The following HECTD4 variants were observed in gnomAD, a reference collection of about 807,000 sequenced individuals.
The protein encoded by HECTD4 is probable E3 ubiquitin-protein ligase HECTD4.
HECTD4 carries 114 observed loss-of-function variants against 471.5 expected under a neutral mutation model. That is an observed-to-expected ratio of 0.24 (90% CI 0.21 to 0.28). The LOEUF (loss-of-function observed/expected upper bound fraction) is 0.28. Ranked by LOEUF, HECTD4 falls within the 10% of genes least tolerant of loss-of-function variation. The pLI, the probability that HECTD4 is intolerant of heterozygous loss-of-function variation, is 1.00. For missense variants in HECTD4, 3,866 were observed against 5,651.5 expected (o/e 0.68, Z 10.13); for synonymous variants, 2,012 against 2,256.0 (o/e 0.89, Z 3.07).
At chr12:112,169,172 A>G (rs1211621376) in intron 70 of HECTD4, among the ~76,000 whole-genome samples, 1 of 152,094 alleles carries the variant, frequency 6.6e-6, no homozygotes, top group African/African-American at 2.4e-5. Context: ...GGACTCCCCA[A>G]CACCCTGCCT....
intron 1 of HECTD4, among the ~76,000 whole-genome samples, chr12:112,372,573 T>A (rs2036702398): frequency 6.6e-6 from 1 of 151,816 alleles, no homozygotes; most frequent in Non-Finnish European, 1.5e-5. Context: ...CATGAGCCAC[T>A]GCACCTGGCC....
Position 112,299,308 on chromosome 12 carries a change from C to A in HECTD4, c.1335+6756G>T, listed in dbSNP as rs2035114841. Among the ~76,000 whole-genome samples the A allele has an allele frequency of 3.3e-5, 5 of 152,040 alleles. No homozygotes were observed. The South Asian group carries it at 8.3e-4, about 25-fold the overall frequency. On this transcript the variant is annotated intron_variant, in intron 7 of 75. Transcript: ENST00000682272. Reference sequence around the variant, plus strand: ...TACGGACATTTTCTTATGTATTTCACCACCATACTTAAAAATTAGACTGAG... The same window carrying A: ...TACGGACATTTTCTTATGTATTTCAACACCATACTTAAAAATTAGACTGAG...
At chr12:112,350,163 C>T (rs1409899321) in intron 1 of HECTD4, among the ~76,000 whole-genome samples, 1 of 152,066 alleles carries the variant, frequency 6.6e-6, no homozygotes, top group African/African-American at 2.4e-5. Context: ...GCCATGTTGC[C>T]TAGGCTGAAC....
rs1032079738 is a variant in HECTD4 at position 112,166,408 on chromosome 12, C to G, written c.12534+909G>C. Reference sequence around the variant, plus strand: ...GCATAGGCAGAAGCCGCTGGCACCTCCTTCACCTGAGGCCCAGGAGAGAGC... The same window carrying G: ...GCATAGGCAGAAGCCGCTGGCACCTGCTTCACCTGAGGCCCAGGAGAGAGC... On this transcript the variant is annotated intron_variant, in intron 72 of 75. Coordinates refer to ENST00000682272, the MANE Select transcript of HECTD4 (RefSeq NM_001388303.1). The surrounding 1 kb of genome is among the most constrained non-coding windows in gnomAD (Gnocchi z 4.6). The G allele has an allele frequency of 1.3e-5, 2 of 152,300 alleles. No individual in the cohort carries two copies. 9.4% of individuals were successfully genotyped at this position (152,300 alleles called of 1,614,324 possible).
rs139189368 is a variant in HECTD4 at position 112,235,952 on chromosome 12, T to C, written c.5445-168A>G. Among the ~76,000 whole-genome samples, 155 of 152,374 alleles carry C rather than the reference T, an allele frequency of 1.0e-3. No individual in the cohort carries two copies. The highest frequency in any genetic ancestry group is 3.5e-3 in the African/African-American group (146 of 41,600). On this transcript the variant is annotated intron_variant, in intron 35 of 75. Coordinates refer to ENST00000682272, the MANE Select transcript of HECTD4 (RefSeq NM_001388303.1). The surrounding 1 kb of genome is among the most constrained non-coding windows in gnomAD (Gnocchi z 5.0). ...AATTAAGAATTTTGGAAACATTTGATGAAACCAAACAACACTAATACTTAA... is the reference window on the plus strand; with the variant it reads ...AATTAAGAATTTTGGAAACATTTGACGAAACCAAACAACACTAATACTTAA...
At chr12:112,253,122 A>G (rs1177911955) in intron 22 of HECTD4, among the ~76,000 whole-genome samples, 1 of 146,762 alleles carries the variant, frequency 6.8e-6, no homozygotes, top group East Asian at 2.1e-4. Context: ...CCTTGAGCAT[A>G]ATTTCTCTCT....
At position 112,344,202 on chromosome 12, in the gene HECTD4, G is replaced by A. The variant is rs1198725903; in HGVS notation, c.178-24460C>T. ...GATTTCCACTCATTTAAAACTGTAA[G>A]GGACAACTTTTAGAATTTTAACTCC... is the stretch of plus-strand genomic sequence containing the variant. On this transcript the variant is annotated intron_variant, in intron 1 of 75. Transcript: ENST00000682272. Among the ~76,000 whole-genome samples, 5 of 152,162 alleles carry A rather than the reference G, an allele frequency of 3.3e-5. No homozygotes were observed. The East Asian group carries it at 9.6e-4, about 29-fold the overall frequency.
rs10850011 is a variant in HECTD4 at position 112,206,787 on chromosome 12, T to C, written c.8131+1087A>G. Among the ~76,000 whole-genome samples the C allele has an allele frequency of 0.055, 8,408 of 152,164 alleles. 1,279 individuals carry two copies. In the East Asian group the frequency reaches 0.61, roughly 11 times the overall value. On this transcript the variant is annotated intron_variant, in intron 52 of 75. Transcript: ENST00000682272. ...TCCTGACCTCATGATCCGCCTGCCT[T>C]GGCTTCCCAAAGTCCTGGGATTACA...
rs1187715878 is a variant in HECTD4 at position 112,188,288 on chromosome 12, C to CA, written c.9472+2497dup. ...TGGGTGACAGAGTGAGACTACATTT[C>CA]AAAAAAATAAAATAAGTAAGTAAAT... On this transcript the variant is annotated intron_variant, in intron 60 of 75. Transcript: ENST00000682272. This position sits in a 1 kb window ranked among gnomAD's most constrained non-coding sequence, Gnocchi z 4.2. Among the ~76,000 whole-genome samples, 1 of 151,858 alleles carries CA rather than the reference C, an allele frequency of 6.6e-6. No individual in the cohort carries two copies. The highest frequency in any genetic ancestry group is 1.5e-5 in the Non-Finnish European group (1 of 67,956).
At chr12:112,325,537 C>G (rs2035724772) in intron 1 of HECTD4, among the ~76,000 whole-genome samples, 1 of 152,154 alleles carries the variant, frequency 6.6e-6, no homozygotes, top group South Asian at 2.1e-4. Context: ...CATATCTATT[C>G]TGGTACTTAT....
intron 13 of HECTD4, among the ~76,000 whole-genome samples, chr12:112,268,802 CA>C (rs558066365): frequency 0.066 from 7,051 of 106,138 alleles, 1,013 homozygotes; most frequent in East Asian, 0.62. Flanking sequence ...AAAAACAAAC[CA>C]AAAAAAAAAA....
chr12:112,196,816 G>A (rs921832512), intron 55 of HECTD4, among the ~76,000 whole-genome samples: 1 of 151,546 alleles, frequency 6.6e-6, no homozygotes. Flanking sequence ...TGTTTTTTGA[G>A]ATGGAGTCTT....
chr12:112,238,360 G>C (rs1566083355), intron 34 of HECTD4, among the ~76,000 whole-genome samples: 1 of 152,088 alleles, frequency 6.6e-6, no homozygotes, highest in Admixed American at 6.6e-5. Flanking sequence ...CTATAGGCAC[G>C]TGTCACTGCA....
chr12:112,321,102 C>T (rs2035577145), intron 1 of HECTD4, among the ~76,000 whole-genome samples: 1 of 151,952 alleles, frequency 6.6e-6, no homozygotes, highest in African/African-American at 2.4e-5. Flanking sequence ...CCTCGGCCTC[C>T]CAAAGTGCTG....
chr12:112,192,783 G>T lies in HECTD4; in HGVS notation c.9087-18C>A, dbSNP rs1023991758. On this transcript the variant is annotated intron_variant, in intron 58 of 75. Transcript: ENST00000682272. Reference sequence around the variant, plus strand: ...GAGAGGAGCTGAGAAGGAGGGATGGGTGGGTGTTAATACAGGGTCTAGCCA... The same window carrying T: ...GAGAGGAGCTGAGAAGGAGGGATGGTTGGGTGTTAATACAGGGTCTAGCCA... 6.4e-7 allele frequency: 1 copy of T among 1,554,354 alleles called. No individual in the cohort carries two copies. Among genetic ancestry groups the T allele is most frequent in the Non-Finnish European group, 8.7e-7 (1 of 1,146,504 alleles).
In HECTD4 at chr12:112,239,270, G is replaced by C; in HGVS notation, c.5106-34C>G. On this transcript the variant is annotated intron_variant, in intron 33 of 75. Coordinates refer to ENST00000682272, the MANE Select transcript of HECTD4 (RefSeq NM_001388303.1). This position sits in a 1 kb window ranked among gnomAD's most constrained non-coding sequence, Gnocchi z 4.9. ...GGGTCATGGATTACACTAGATAAAC[G>C]TAACTGACCGACACTCAGGAAACTC... The C allele has an allele frequency of 6.4e-7, 1 of 1,551,194 alleles. No homozygotes were observed. Among genetic ancestry groups the C allele is most frequent in the Non-Finnish European group, 8.7e-7 (1 of 1,146,112 alleles).
chr12:112,226,553 T>C (rs761154713), intron 44 of HECTD4, 90 bp downstream of exon 44: 1 of 753,334 alleles, frequency 1.3e-6, no homozygotes, highest in Non-Finnish European at 2.2e-6. Flanking sequence ...GATGTGTGTG[T>C]ATGAAGACAC....
chr12:112,190,799 C>G lies in HECTD4; in HGVS notation c.9459G>C (p.Val3153=). The stretch of plus-strand genomic sequence containing the variant: ...AGGCAGCCTCACCTAGCAGCTCCAC[C>G]ACCTGCAGGAGGACGGATGTCGGAA... ...DTIPTSVLLQ[V]VELLGNFLWT... is the part of the protein sequence containing the mutation. Residue 3153 remains valine, a synonymous_variant, in exon 60 of 76, where the codon GTG becomes GTC. Coordinates refer to ENST00000682272, the MANE Select transcript of HECTD4 (RefSeq NM_001388303.1). 7 of 1,583,902 alleles carry G rather than the reference C, an allele frequency of 4.4e-6. No individual in the cohort carries two copies. Among genetic ancestry groups the G allele is most frequent in the South Asian group, 1.2e-5 (1 of 85,974 alleles).
At chr12:112,190,718 C>T (rs1265445133) in intron 60 of HECTD4, 68 bp downstream of exon 60, 1 of 1,447,086 alleles carries the variant, frequency 6.9e-7, no homozygotes. Context: ...CTGGCAAGCT[C>T]CTTCCTCAGG....
Sources: gnomAD v4.1 joint callset for allele counts (sites outside exome capture counted in the v4.1 genomes callset) on GRCh38, gnomAD v4.1.1 for gene constraint, Gnocchi (gnomAD v3.1) non-coding constraint, MANE v1.5 for transcripts, NCBI Gene and HGNC (gene_info 2026-07-23, HGNC 2026-07-21) for gene names.